LSAMP: variants seen among roughly 807,000 people sequenced by gnomAD.
The protein encoded by LSAMP is limbic system associated membrane protein, also known as limbic system-associated membrane protein.
In LSAMP, 7 loss-of-function variants were observed where a neutral mutation model predicts 38.6. The observed-to-expected ratio is 0.18, with a 90% CI of 0.10 to 0.34. The LOEUF is 0.34. LSAMP is among the 10% of genes least tolerant of loss of function. The probability of loss-of-function intolerance (pLI) is 1.00; values close to 1 mark genes in which losing one functional copy is unlikely to be tolerated. For missense variants in LSAMP, 313 were observed against 420.0 expected (o/e 0.75, Z 2.23); for synonymous variants, 154 against 166.8 (o/e 0.92, Z 0.59).
intron 1 of LSAMP, among the ~76,000 whole-genome samples, chr3:116,372,535 C>A (rs2048442922): frequency 6.6e-6 from 1 of 151,582 alleles, no homozygotes; most frequent in Non-Finnish European, 1.5e-5. Context: ...AAGGCACAGA[C>A]AACAAAATAA....
rs1933598812 is a variant in LSAMP at position 115,804,995 on chromosome 3, C to T, written c.*5322G>A. 6.6e-6 allele frequency: 1 copy of T among 152,276 alleles called. No individual in the cohort carries two copies. The highest frequency in any genetic ancestry group is 2.1e-4 in the South Asian group (1 of 4,832). 9.4% of individuals were successfully genotyped at this position (152,276 alleles called of 1,614,324 possible). On this transcript the variant is annotated 3_prime_UTR_variant, in exon 7 of 7. Coordinates refer to ENST00000490035, the MANE Select transcript of LSAMP (RefSeq NM_002338.5). Reference sequence around the variant, plus strand: ...AGAATCCAGATGGCAAGCTTTCCCACTGCTTTTGTTGAATGGAAAATAAAA... The same window carrying T: ...AGAATCCAGATGGCAAGCTTTCCCATTGCTTTTGTTGAATGGAAAATAAAA...
intron 1 of LSAMP, among the ~76,000 whole-genome samples, chr3:116,135,549 T>C (rs886168389): frequency 6.6e-6 from 1 of 152,146 alleles, no homozygotes; most frequent in Admixed American, 6.6e-5. Flanking sequence ...ACCACTAGAC[T>C]AGGCCTCTGC....
chr3:116,398,862 A>G (rs998524217), intron 1 of LSAMP, among the ~76,000 whole-genome samples: 8 of 152,220 alleles, frequency 5.3e-5, no homozygotes, highest in African/African-American at 1.4e-4. Flanking sequence ...AATGAATCCA[A>G]TAAGAATCCA....
chr3:115,857,638 G>T (rs1313474762), intron 3 of LSAMP, among the ~76,000 whole-genome samples: 1 of 152,144 alleles, frequency 6.6e-6, no homozygotes, highest in African/African-American at 2.4e-5. Context: ...CTAGTGTTTA[G>T]TTTAAATCTC....
At chr3:116,411,272 C>T (rs113412399) in intron 1 of LSAMP, among the ~76,000 whole-genome samples, 5 of 152,168 alleles carry the variant, frequency 3.3e-5, no homozygotes, top group African/African-American at 9.6e-5. Flanking sequence ...CATCCCATTA[C>T]TGGGTATATA....
At chr3:116,182,733 C>T (rs1478649874) in intron 1 of LSAMP, among the ~76,000 whole-genome samples, 2 of 151,604 alleles carry the variant, frequency 1.3e-5, no homozygotes, top group Non-Finnish European at 1.5e-5. Flanking sequence ...TGTCTGATTC[C>T]CATAACAGAC....
At chr3:115,843,891 G>A (rs547254777) in intron 4 of LSAMP, among the ~76,000 whole-genome samples, 89 of 152,242 alleles carry the variant, frequency 5.8e-4, no homozygotes, top group African/African-American at 1.8e-3. Context: ...GTAAACAGGC[G>A]TGCTAAATGG....
At chr3:116,313,522 G>T (rs1337640807) in intron 1 of LSAMP, among the ~76,000 whole-genome samples, 1 of 152,146 alleles carries the variant, frequency 6.6e-6, no homozygotes, top group Non-Finnish European at 1.5e-5. Context: ...TTCAAGTGAG[G>T]GCAAGCACCT....
intron 1 of LSAMP, among the ~76,000 whole-genome samples, chr3:116,357,477 G>A (rs909776215): frequency 7.2e-5 from 11 of 151,818 alleles, no homozygotes; most frequent in Admixed American, 6.6e-4. Flanking sequence ...ATGTACAGAT[G>A]ACATCTGTAG....
intron 1 of LSAMP, among the ~76,000 whole-genome samples, chr3:116,343,724 A>C (rs76407207): frequency 0.17 from 25,160 of 151,938 alleles, 2,561 homozygotes; most frequent in African/African-American, 0.28. Context: ...CTTCATCTTC[A>C]AAAAGCATGG....
intron 1 of LSAMP, among the ~76,000 whole-genome samples, chr3:116,224,230 G>A (rs2046318276): frequency 6.6e-6 from 1 of 152,100 alleles, no homozygotes; most frequent in African/African-American, 2.4e-5. Flanking sequence ...TTTACTCCAT[G>A]CCCAGAAAAT....
At chr3:115,813,461 TAATG>T (rs1232096320) in intron 6 of LSAMP, among the ~76,000 whole-genome samples, 2 of 152,178 alleles carry the variant, frequency 1.3e-5, no homozygotes, top group Non-Finnish European at 2.9e-5. Context: ...AGTCACATAA[TAATG>T]CATTTCTCAG....
intron 1 of LSAMP, among the ~76,000 whole-genome samples, chr3:116,362,671 C>T (rs2048306007): frequency 3.1e-5 from 3 of 98,118 alleles, no homozygotes; most frequent in Admixed American, 3.0e-4. Flanking sequence ...TCTCAGACCA[C>T]AGTGCAATCA....
chr3:116,212,449 A>G lies in LSAMP; in HGVS notation c.156-125893T>C, dbSNP rs548440643. Among the ~76,000 whole-genome samples, 38 of 152,272 alleles carry G rather than the reference A, an allele frequency of 2.5e-4. No homozygotes were observed. The East Asian group carries it at 7.3e-3, about 29-fold the overall frequency. On this transcript the variant is annotated intron_variant, in intron 1 of 6. Coordinates refer to ENST00000490035, the MANE Select transcript of LSAMP (RefSeq NM_002338.5). ...GTCATTGAGAAATTAGTCTATGAAG[A>G]CTGACATTCTCCTGAGGATATTCAC...
chr3:116,038,012 T>C (rs772477325), intron 2 of LSAMP, among the ~76,000 whole-genome samples: 3 of 152,036 alleles, frequency 2.0e-5, no homozygotes, highest in Non-Finnish European at 4.4e-5. Flanking sequence ...AAGATATGAG[T>C]GTGATCAATG....
intron 1 of LSAMP, among the ~76,000 whole-genome samples, chr3:116,425,056 C>G (rs984841739): frequency 6.6e-6 from 1 of 151,218 alleles, no homozygotes; most frequent in African/African-American, 2.4e-5. Flanking sequence ...GTCTACCGTG[C>G]AGGGGCTGGG....
At chr3:116,374,273 T>C (rs547955770) in intron 1 of LSAMP, among the ~76,000 whole-genome samples, 82 of 152,048 alleles carry the variant, frequency 5.4e-4, no homozygotes, top group African/African-American at 1.9e-3. Context: ...TCACATTCAG[T>C]TGTAATACAA....
At chr3:115,854,117 C>G (rs1288822118) in intron 3 of LSAMP, among the ~76,000 whole-genome samples, 1 of 151,766 alleles carries the variant, frequency 6.6e-6, no homozygotes, top group Non-Finnish European at 1.5e-5. Flanking sequence ...TTTGAGGAAA[C>G]TGTACAATCT....
intron 1 of LSAMP, among the ~76,000 whole-genome samples, chr3:116,153,194 G>A (rs17698926): frequency 0.066 from 10,111 of 152,060 alleles, 384 homozygotes; most frequent in Middle Eastern, 0.16. Context: ...AAATTTCTTC[G>A]AGTTTGATTT....
Sources: gnomAD v4.1 joint callset for allele counts (sites outside exome capture counted in the v4.1 genomes callset) on GRCh38, gnomAD v4.1.1 for gene constraint, MANE v1.5 for transcripts, NCBI Gene and HGNC (gene_info 2026-07-23, HGNC 2026-07-21) for gene names.